Variants in PRLR observed in about 807,000 individuals in gnomAD.
The protein encoded by PRLR is hPRL receptor.
Under a neutral mutation model 40.2 loss-of-function variants are expected in PRLR, and 13 were observed. That is an observed-to-expected ratio of 0.32 (90% CI 0.21 to 0.51). The LOEUF (loss-of-function observed/expected upper bound fraction) is 0.51, where lower values mean the gene tolerates loss of function less well. Ranked by LOEUF, PRLR falls within the 20% of genes least tolerant of loss-of-function variation. PRLR has a pLI of 0.97. For missense variants in PRLR, 656 were observed against 747.3 expected (o/e 0.88, Z 1.42); for synonymous variants, 269 against 278.7 (o/e 0.97, Z 0.35).
At chr5:35,049,908 T>G (rs1768431068) in intron 8 of PRLR, among the ~76,000 whole-genome samples, 1 of 149,560 alleles carries the variant, frequency 6.7e-6, no homozygotes, top group Non-Finnish European at 1.5e-5. Context: ...ACATTCTTTT[T>G]TTTTTTTTTT....
downstream of PRLR, among the ~76,000 whole-genome samples, chr5:35,052,957 CATAAAACT>C (rs1362539028): frequency 6.6e-6 from 1 of 152,224 alleles, no homozygotes; most frequent in African/African-American, 2.4e-5. Context: ...TCCCATGTCA[CATAAAACT>C]ATAATCAAAT....
intron 4 of PRLR, 62 bp downstream of exon 4, chr5:35,086,146 C>T (rs1247227451): frequency 1.1e-5 from 17 of 1,589,226 alleles, no homozygotes; most frequent in Non-Finnish European, 1.5e-5. Context: ...ACCAGTGTTT[C>T]TTTGGCCTGG....
At chr5:35,114,119 C>T (rs1772866293) in intron 2 of PRLR, among the ~76,000 whole-genome samples, 3 of 152,176 alleles carry the variant, frequency 2.0e-5, no homozygotes. Flanking sequence ...TGTGAACTGA[C>T]TTTGCAGCAT....
intron 1 of PRLR, among the ~76,000 whole-genome samples, chr5:35,200,718 T>C (rs1775859419): frequency 6.6e-6 from 1 of 152,144 alleles, no homozygotes; most frequent in Non-Finnish European, 1.5e-5. Flanking sequence ...TGTCTTTATA[T>C]AGGGCTTTCC....
At position 35,122,806 on chromosome 5, in the gene PRLR, C is replaced by T. The variant is rs138716367; in HGVS notation, c.-105-4684G>A. ...GAACTTGAGCAGAAGCAAGCACATC[C>T]ACTTGAGTCAAAGGCATGGGCCTTG... On this transcript the variant is annotated intron_variant, in intron 1 of 9. Transcript: ENST00000618457. 5.8e-3 allele frequency among the ~76,000 whole-genome samples: 890 copies of T among 152,298 alleles called. 4 individuals carry two copies. The highest frequency in any genetic ancestry group is 0.01 in the Non-Finnish European group (690 of 68,016).
intron 2 of PRLR, among the ~76,000 whole-genome samples, chr5:35,095,204 C>T (rs1461884554): frequency 2.6e-5 from 4 of 151,954 alleles, no homozygotes; most frequent in South Asian, 2.1e-4. Flanking sequence ...GTGCTCAGGG[C>T]GGGAAGAGGA....
At position 35,183,651 on chromosome 5, in the gene PRLR, T is replaced by C. The variant is rs185820702; in HGVS notation, c.-106+46617A>G. On this transcript the variant is annotated intron_variant, in intron 1 of 9. Coordinates refer to ENST00000618457, the MANE Select transcript of PRLR (RefSeq NM_000949.7). Reference sequence around the variant, plus strand: ...AAAGGGAGTCCCTTAGGCTCCAGGTTTTTTTCCCTTCAGTTCACACTGGGA... The same window carrying C: ...AAAGGGAGTCCCTTAGGCTCCAGGTCTTTTTCCCTTCAGTTCACACTGGGA... Among the ~76,000 whole-genome samples the C allele has an allele frequency of 1.0e-3, 152 of 152,248 alleles. No homozygotes were observed. The Middle Eastern group carries it at 0.014, about 14-fold the overall frequency.
intron 2 of PRLR, among the ~76,000 whole-genome samples, chr5:35,115,907 TC>T: frequency 6.6e-6 from 1 of 152,248 alleles, no homozygotes; most frequent in Non-Finnish European, 1.5e-5. Context: ...TAACTTTTAA[TC>T]CCCTCTTTTA....
intron 1 of PRLR, among the ~76,000 whole-genome samples, chr5:35,156,011 G>T (rs768937202): frequency 9.2e-5 from 14 of 151,488 alleles, no homozygotes; most frequent in African/African-American, 1.7e-4. Context: ...TTTCAAATCA[G>T]CCAGGTGCTT....
At position 35,133,499 on chromosome 5, in the gene PRLR, TTA is replaced by T. The variant is rs528504908; in HGVS notation, c.-105-15379_-105-15378del. ...AGGAATGGAGATGCCATAGACTTTC[TTA>T]GCAGCCAAATTTGTTATTTAATTCC... On this transcript the variant is annotated intron_variant, in intron 1 of 9. Transcript: ENST00000618457. Among the ~76,000 whole-genome samples the T allele has an allele frequency of 2.8e-4, 43 of 152,292 alleles. No homozygotes were observed. The South Asian group carries it at 8.1e-3, about 29-fold the overall frequency.
chr5:35,188,572 T>C (rs972482753), intron 1 of PRLR, among the ~76,000 whole-genome samples: 41 of 152,228 alleles, frequency 2.7e-4, no homozygotes, highest in African/African-American at 9.9e-4. Flanking sequence ...CATGGTTCTG[T>C]GTACACAGCT....
intron 9 of PRLR, 57 bp from the exon 10 acceptor site, chr5:35,066,159 AGCATCCCT>A (rs1311826607): frequency 6.6e-7 from 1 of 1,508,288 alleles, no homozygotes; most frequent in Non-Finnish European, 9.0e-7. Flanking sequence ...ATTCCAAATC[AGCATCCCT>A]GCTAAGTGGT....
chr5:35,143,958 T>A (rs116203371), intron 1 of PRLR, among the ~76,000 whole-genome samples: 2,687 of 152,234 alleles, frequency 0.018, 100 homozygotes, highest in African/African-American at 0.062. Flanking sequence ...CATAATTTTT[T>A]TCCAGCTCAT....
chr5:35,072,469 C>A, intron 6 of PRLR, 106 bp downstream of exon 6: 1 of 1,321,508 alleles, frequency 7.6e-7, no homozygotes, highest in South Asian at 1.4e-5. Context: ...GCATTGGAGG[C>A]CAACACAGTG....
Position 35,115,543 on chromosome 5 carries a change from C to T in PRLR, c.-44+2518G>A, listed in dbSNP as rs541266091. Among the ~76,000 whole-genome samples the T allele has an allele frequency of 3.3e-5, 5 of 152,252 alleles. No individual in the cohort carries two copies. In the South Asian group the frequency reaches 1.0e-3, roughly 32 times the overall value. ...ATGGGTGGACACATCCTCCCGAGGA[C>T]CCTGGGCTGCTTCTAATCTCCTCTT... On this transcript the variant is annotated intron_variant, in intron 2 of 9. Transcript: ENST00000618457.
intron 2 of PRLR, among the ~76,000 whole-genome samples, chr5:35,095,954 G>A (rs115781474): frequency 0.013 from 2,027 of 152,262 alleles, 55 homozygotes; most frequent in African/African-American, 0.047. Context: ...AATCCCAAAG[G>A]TTCCACTGAG....
At chr5:35,089,491 C>T (rs1309376518) in intron 3 of PRLR, 60 bp downstream of exon 3, 13 of 1,200,870 alleles carry the variant, frequency 1.1e-5, no homozygotes, top group Non-Finnish European at 1.6e-5. Context: ...TGCATGGACT[C>T]TCCACCCTGT....
rs1355321859 is a variant in PRLR at position 35,200,933 on chromosome 5, C to T, written c.-106+29335G>A. Among the ~76,000 whole-genome samples the T allele has an allele frequency of 2.6e-5, 4 of 152,168 alleles. No homozygotes were observed. In the South Asian group the frequency reaches 6.2e-4, roughly 24 times the overall value. On this transcript the variant is annotated intron_variant, in intron 1 of 9. Coordinates refer to ENST00000618457, the MANE Select transcript of PRLR (RefSeq NM_000949.7). ...CAGAGTACTTCATCTGCAGATTGTT[C>T]ATCCTTCTTGCTCAGGACTCTATTC...
chr5:35,192,879 A>C (rs772501381), intron 1 of PRLR, among the ~76,000 whole-genome samples: 25 of 152,216 alleles, frequency 1.6e-4, no homozygotes, highest in Non-Finnish European at 3.4e-4. Flanking sequence ...GGTACAGCAG[A>C]AGCAGCCAGA....
Sources: allele counts gnomAD v4.1 joint callset (sites outside exome capture counted in the v4.1 genomes callset), GRCh38; gene constraint gnomAD v4.1.1; transcripts MANE v1.5; gene names NCBI Gene and HGNC (gene_info 2026-07-23, HGNC 2026-07-21).